The following RASSF8 variants were observed in gnomAD, a reference collection of about 807,000 sequenced individuals.
RASSF8 encodes the protein ras association domain-containing protein 8.
Under a neutral mutation model 48.5 loss-of-function variants are expected in RASSF8, and 22 were observed. The ratio of observed to expected loss-of-function variants is 0.45; its 90% CI spans 0.32 to 0.65. The LOEUF is 0.65. RASSF8 is among the 30% of genes least tolerant of loss of function. RASSF8 has a pLI of 0.03. For synonymous variants in RASSF8, 127 were observed against 171.5 expected (o/e 0.74, Z 2.03); for missense variants, 418 against 489.2 (o/e 0.85, Z 1.37).
downstream of RASSF8, among the ~76,000 whole-genome samples, chr12:26,075,752 A>G (rs1296935930): frequency 1.3e-5 from 2 of 152,200 alleles, no homozygotes; most frequent in Non-Finnish European, 2.9e-5. Flanking sequence ...TTTTAGGCAT[A>G]AAGCAAATCA....
chr12:26,045,783 T>C (rs1472925501), intron 2 of RASSF8, among the ~76,000 whole-genome samples: 1 of 152,214 alleles, frequency 6.6e-6, no homozygotes, highest in Non-Finnish European at 1.5e-5. Flanking sequence ...TGGATTTCAT[T>C]GCAAAATGTT....
At chr12:26,026,362 C>T (rs1400364102) in intron 2 of RASSF8, among the ~76,000 whole-genome samples, 2 of 152,102 alleles carry the variant, frequency 1.3e-5, no homozygotes, top group South Asian at 2.1e-4. Context: ...AGATGTTTGA[C>T]GTTATTAGCC....
At chr12:26,015,334 T>A (rs1295592121) in intron 2 of RASSF8, among the ~76,000 whole-genome samples, 1 of 152,184 alleles carries the variant, frequency 6.6e-6, no homozygotes, top group East Asian at 1.9e-4. Flanking sequence ...AGGGTTGGAA[T>A]GTTTGAGCCA....
intron 1 of RASSF8, among the ~76,000 whole-genome samples, chr12:25,991,315 CA>C (rs1249859141): frequency 1.3e-5 from 2 of 152,054 alleles, no homozygotes; most frequent in Non-Finnish European, 2.9e-5. Flanking sequence ...ATTGTGTTAA[CA>C]TCAATAACTT....
At chr12:26,047,558 A>G (rs1943398098) in intron 2 of RASSF8, among the ~76,000 whole-genome samples, 2 of 152,350 alleles carry the variant, frequency 1.3e-5, no homozygotes, top group South Asian at 4.1e-4. Flanking sequence ...GATCCTGTGT[A>G]TAACCTGGCC....
chr12:26,058,352 A>G (rs1943656898), intron 3 of RASSF8, among the ~76,000 whole-genome samples: 1 of 152,204 alleles, frequency 6.6e-6, no homozygotes, highest in African/African-American at 2.4e-5. Context: ...CTGAAAAGCA[A>G]CCCCAGAACT....
chr12:25,983,783 CA>C lies in RASSF8; in HGVS notation c.-202-11253del, dbSNP rs1941800814. On this transcript the variant is annotated intron_variant, in intron 1 of 5. Transcript: ENST00000689635. ...ATCTGTACAGTGGATTACCGTAGGA[CA>C]GGGGTGATACTAAAAATAGTGAACA... Among the ~76,000 whole-genome samples the C allele has an allele frequency of 2.0e-5, 3 of 152,170 alleles. No homozygotes were observed. In the South Asian group the frequency reaches 6.2e-4, roughly 32 times the overall value.
chr12:26,017,704 A>G (rs1469248014), intron 2 of RASSF8, among the ~76,000 whole-genome samples: 1 of 152,216 alleles, frequency 6.6e-6, no homozygotes, highest in African/African-American at 2.4e-5. Context: ...GAGAAGCTGC[A>G]TTTGCTGCAG....
chr12:25,996,072 C>T (rs1467042381), intron 2 of RASSF8, among the ~76,000 whole-genome samples: 1 of 152,180 alleles, frequency 6.6e-6, no homozygotes, highest in African/African-American at 2.4e-5. Context: ...ACATCCTCAC[C>T]AGTTCAGTTG....
intron 2 of RASSF8, chr12:26,020,580 G>A (rs1008964352): frequency 6.6e-6 from 1 of 152,078 alleles, no homozygotes; most frequent in African/African-American, 2.4e-5. Flanking sequence ...TGAGACATGA[G>A]CTGAGCTATC....
intron 1 of RASSF8, among the ~76,000 whole-genome samples, chr12:25,978,642 T>A (rs1164622988): frequency 6.6e-6 from 1 of 152,160 alleles, no homozygotes; most frequent in Admixed American, 6.6e-5. Context: ...ATTAAATATA[T>A]GCTAGTAAAT....
At chr12:26,009,889 T>G (rs1460349213) in intron 2 of RASSF8, among the ~76,000 whole-genome samples, 1 of 151,040 alleles carries the variant, frequency 6.6e-6, no homozygotes, top group Admixed American at 6.6e-5. Flanking sequence ...TTGAAAGGAG[T>G]TTTGCTGCAA....
At chr12:25,978,369 CACAA>C (rs1209044903) in intron 1 of RASSF8, among the ~76,000 whole-genome samples, 2 of 152,188 alleles carry the variant, frequency 1.3e-5, no homozygotes, top group Admixed American at 1.3e-4. Flanking sequence ...CAGTGGCAGT[CACAA>C]ACCGCCACAT....
intron 1 of RASSF8, among the ~76,000 whole-genome samples, chr12:25,963,904 T>C (rs1289834566): frequency 6.6e-6 from 1 of 152,252 alleles, no homozygotes; most frequent in Non-Finnish European, 1.5e-5. Context: ...CTTTTGTTCC[T>C]ACATTTCCCC....
downstream of RASSF8, among the ~76,000 whole-genome samples, chr12:26,077,600 C>G (rs1944083524): frequency 6.6e-6 from 1 of 152,162 alleles, no homozygotes; most frequent in Non-Finnish European, 1.5e-5. Context: ...TCTGAGGCCT[C>G]TGTTCTGTTC....
At position 26,053,741 on chromosome 12, in the gene RASSF8, C is replaced by T. The variant is rs149990035; in HGVS notation, c.-108-1495C>T. Among the ~76,000 whole-genome samples the T allele has an allele frequency of 1.8e-3, 269 of 152,298 alleles. 2 individuals carry two copies. Among genetic ancestry groups the T allele is most frequent in the African/African-American group, 6.1e-3 (255 of 41,558 alleles). ...CAAGGTGGCCCCTTCTTTCTTCATA[C>T]AGGGGATAATGAAACCTATGCTGTG... On this transcript the variant is annotated intron_variant, in intron 2 of 5. Transcript: ENST00000689635.
At chr12:25,962,176 A>G (rs1410985704) in intron 1 of RASSF8, among the ~76,000 whole-genome samples, 1 of 152,066 alleles carries the variant, frequency 6.6e-6, no homozygotes, top group Non-Finnish European at 1.5e-5. Flanking sequence ...GCATGATTTG[A>G]TCTCTACATC....
chr12:26,043,299 A>T (rs1290778444), intron 2 of RASSF8, among the ~76,000 whole-genome samples: 1 of 152,240 alleles, frequency 6.6e-6, no homozygotes, highest in Non-Finnish European at 1.5e-5. Context: ...GGAGAGCAGC[A>T]TATGCAGCTC....
At chr12:26,079,217 A>G in exon 6 of RASSF8, 1 of 549,776 alleles carries the variant, frequency 1.8e-6, no homozygotes, top group Admixed American at 3.6e-5. Context: ...GCAAACCGTT[A>G]TCTGGTAAGG....
Sources: gnomAD v4.1 joint callset for allele counts (sites outside exome capture counted in the v4.1 genomes callset) on GRCh38, gnomAD v4.1.1 for gene constraint, MANE v1.5 for transcripts, NCBI Gene and HGNC (gene_info 2026-07-23, HGNC 2026-07-21) for gene names.